ZFHX3: variants seen among roughly 807,000 people sequenced by gnomAD.
ZFHX3 encodes zinc finger homeobox 3.
Under a neutral mutation model 279.1 loss-of-function variants are expected in ZFHX3, and 42 were observed. The observed-to-expected ratio is 0.15, with a 90% confidence interval of 0.12 to 0.19. The LOEUF (loss-of-function observed/expected upper bound fraction) is 0.19, where lower values mean the gene tolerates loss of function less well. Among genes scored for constraint, ZFHX3 ranks in the 10% least tolerant of loss-of-function variants. ZFHX3 has a pLI of 1.00. For synonymous variants in ZFHX3, 2,293 were observed against 1,957.8 expected (o/e 1.17, Z -4.52); for missense variants, 4,981 against 4,754.0 (o/e 1.05, Z -1.40).
At chr16:73,524,652 G>A (rs901223776) in intron 2 of ZFHX3, among the ~76,000 whole-genome samples, 1 of 152,176 alleles carries the variant, frequency 6.6e-6, no homozygotes, top group African/African-American at 2.4e-5. Context: ...TAGATTTGCT[G>A]TGGTAAAGAA....
intron 8 of ZFHX3, among the ~76,000 whole-genome samples, chr16:73,069,564 CAG>C (rs914292520): frequency 5.3e-5 from 8 of 152,046 alleles, no homozygotes; most frequent in Non-Finnish European, 1.2e-4. Context: ...GAGAGAAAAA[CAG>C]AATGAAAGGT....
At chr16:72,988,112 G>A (rs558200454) in intron 1 of ZFHX3, among the ~76,000 whole-genome samples, 13 of 152,228 alleles carry the variant, frequency 8.5e-5, no homozygotes, top group South Asian at 6.2e-4. Context: ...TTGGAAACCC[G>A]CCCAACAGGG....
At chr16:72,924,453 T>C (rs922683173) in intron 3 of ZFHX3, among the ~76,000 whole-genome samples, 2 of 152,182 alleles carry the variant, frequency 1.3e-5, no homozygotes, top group Non-Finnish European at 2.9e-5. Flanking sequence ...TGCCTTTGTG[T>C]CCACAGTGAA....
chr16:72,895,749 A>G (rs1322179410), intron 3 of ZFHX3, among the ~76,000 whole-genome samples: 1 of 152,192 alleles, frequency 6.6e-6, no homozygotes, highest in African/African-American at 2.4e-5. Flanking sequence ...ACTTGATCCC[A>G]GGAGGTGGAG....
chr16:73,793,311 G>C (rs1281847577), intron 1 of ZFHX3, among the ~76,000 whole-genome samples: 1 of 152,198 alleles, frequency 6.6e-6, no homozygotes, highest in African/African-American at 2.4e-5. Context: ...ACCAATCTTT[G>C]AGATTCAAAG....
intron 4 of ZFHX3, among the ~76,000 whole-genome samples, chr16:73,300,895 G>A (rs951555727): frequency 2.8e-4 from 42 of 152,232 alleles, no homozygotes; most frequent in Admixed American, 7.2e-4. Flanking sequence ...TGATGCTGGA[G>A]CAGTCTCTGA....
At chr16:73,063,572 G>A (rs962831606), upstream of ZFHX3, among the ~76,000 whole-genome samples, 5 of 152,066 alleles carry the variant, frequency 3.3e-5, no homozygotes, top group African/African-American at 1.2e-4. Context: ...CTCTCAATGC[G>A]CCAGACAGTG....
chr16:73,083,940 T>C (rs370048637), intron 8 of ZFHX3, among the ~76,000 whole-genome samples: 2 of 152,312 alleles, frequency 1.3e-5, no homozygotes, highest in South Asian at 2.1e-4. Flanking sequence ...ACGTGAGGTC[T>C]AGGGCCATGG....
intron 3 of ZFHX3, among the ~76,000 whole-genome samples, chr16:73,414,162 A>C (rs2017525559): frequency 6.6e-6 from 1 of 152,272 alleles, no homozygotes; most frequent in Non-Finnish European, 1.5e-5. Flanking sequence ...ATATAAACTT[A>C]AGGCATAGAC....
At chr16:73,657,274 C>T (rs1366116789) in intron 2 of ZFHX3, among the ~76,000 whole-genome samples, 2 of 151,090 alleles carry the variant, frequency 1.3e-5, no homozygotes, top group African/African-American at 4.8e-5. Context: ...CTGCCCAACA[C>T]GGCAAAACCC....
chr16:73,572,934 C>A (rs866757727), intron 2 of ZFHX3, among the ~76,000 whole-genome samples: 2 of 152,168 alleles, frequency 1.3e-5, no homozygotes, highest in Non-Finnish European at 2.9e-5. Context: ...AACCTATATT[C>A]ATCTTTGTAT....
At chr16:73,311,651 C>T (rs996901809) in intron 4 of ZFHX3, among the ~76,000 whole-genome samples, 8 of 148,450 alleles carry the variant, frequency 5.4e-5, no homozygotes, top group East Asian at 2.0e-4. Flanking sequence ...TCTCTTGATT[C>T]GTAGATAAAA....
intron 3 of ZFHX3, among the ~76,000 whole-genome samples, chr16:72,945,935 G>A (rs968846286): frequency 2.0e-5 from 3 of 152,054 alleles, no homozygotes; most frequent in Admixed American, 6.6e-5. Flanking sequence ...CACCCACAGA[G>A]GAGCACCAAG....
chr16:73,543,102 G>A (rs1567514647), intron 2 of ZFHX3, among the ~76,000 whole-genome samples: 2 of 152,150 alleles, frequency 1.3e-5, no homozygotes, highest in African/African-American at 2.4e-5. Flanking sequence ...GGCTCGGGCA[G>A]GTATGTTTTT....
intron 1 of ZFHX3, among the ~76,000 whole-genome samples, chr16:73,789,131 A>G (rs1959749056): frequency 6.6e-6 from 1 of 151,524 alleles, no homozygotes; most frequent in South Asian, 2.1e-4. Flanking sequence ...TATCTATATG[A>G]TAGATATCTA....
chr16:73,830,991 G>T (rs935915931), intron 1 of ZFHX3, among the ~76,000 whole-genome samples: 2 of 152,156 alleles, frequency 1.3e-5, no homozygotes. Context: ...CAGTTCACTA[G>T]CTCAAAGACT....
intron 1 of ZFHX3, among the ~76,000 whole-genome samples, chr16:72,967,373 G>T (rs1961892596): frequency 6.6e-6 from 1 of 151,904 alleles, no homozygotes; most frequent in Non-Finnish European, 1.5e-5. Context: ...CCACATCAGG[G>T]ACAACGTGAG....
rs563125003 is a variant in ZFHX3, at chr16:73,189,259, A to T, written c.-1103-45428T>A. On this transcript the variant is annotated intron_variant, in intron 5 of 17. Coordinates refer to the ZFHX3 transcript ENST00000641206. ...TCTACCTTCTAGAAGCTGCTGGGCC[A>T]CACCCCGGGGATTCCAAACCCTTTC... Among the ~76,000 whole-genome samples the T allele has an allele frequency of 2.7e-3, 417 of 152,294 alleles. 1 individual carries two copies. The highest frequency in any genetic ancestry group is 9.5e-3 in the African/African-American group (396 of 41,560).
chr16:73,665,582 A>G (rs1334425391), intron 2 of ZFHX3, among the ~76,000 whole-genome samples: 1 of 151,782 alleles, frequency 6.6e-6, no homozygotes, highest in African/African-American at 2.4e-5. Context: ...CCAGGGTGAT[A>G]CAGAGATTGC....
Sources: gnomAD v4.1 joint callset for allele counts (sites outside exome capture counted in the v4.1 genomes callset) on GRCh38, gnomAD v4.1.1 for gene constraint, MANE v1.5 for transcripts, NCBI Gene and HGNC (gene_info 2026-07-23, HGNC 2026-07-21) for gene names.